Variants in ERAP1 observed in about 807,000 individuals in gnomAD.
ERAP1 encodes endoplasmic reticulum aminopeptidase 1.
In ERAP1, 86 loss-of-function variants were observed where a neutral mutation model predicts 103.7. That is an observed-to-expected ratio of 0.83 (90% CI 0.70 to 0.99). The LOEUF (loss-of-function observed/expected upper bound fraction) is 0.99, where lower values mean the gene tolerates loss of function less well. ERAP1 is among the 50% of genes least tolerant of loss of function. The pLI is 0.00. For synonymous variants in ERAP1, 398 were observed against 402.4 expected, an observed-to-expected ratio of 0.99 and a Z score of 0.13; for missense variants, 1,009 against 1,128.4, an observed-to-expected ratio of 0.89 and a Z score of 1.52.
Position 96,763,211 on chromosome 5 carries a change from CGT to C in ERAP1, c.2834_2835del (p.Asp945GlyfsTer15). 1.3e-6 allele frequency: 1 copy of C among 780,732 alleles called. No homozygotes were observed. The highest frequency in any genetic ancestry group is 2.4e-6 in the Non-Finnish European group (1 of 417,902). 48.4% of individuals were successfully genotyped at this position (780,732 alleles called of 1,614,324 possible). On this transcript the variant is annotated frameshift_variant, in exon 20 of 20. Coordinates refer to the ERAP1 transcript ENST00000296754. LOFTEE classifies it high-confidence loss of function. Reference sequence around the variant, plus strand: ...ATTCTGATGGATTTTCATCCTGTTGCGTCAGCTTCAGGATCATCTGAAAATAT... The same window carrying C: ...ATTCTGATGGATTTTCATCCTGTTGCCAGCTTCAGGATCATCTGAAAATAT...
chr5:96,912,579 A>G, the ERAP1 span: 13 of 1,413,570 alleles, frequency 9.2e-6, no homozygotes, highest in African/African-American at 1.5e-5. Flanking sequence ...AAATTGTCAT[A>G]AGAAAAAAGT....
At chr5:96,826,651 T>A in the ERAP1 span, among the ~76,000 whole-genome samples, 1 of 152,134 alleles carries the variant, frequency 6.6e-6, no homozygotes, top group African/African-American at 2.4e-5. Flanking sequence ...CTGTGCCTCC[T>A]CCAGTCAGCC....
the ERAP1 span, among the ~76,000 whole-genome samples, chr5:96,864,203 C>T: frequency 1.3e-5 from 2 of 152,290 alleles, no homozygotes; most frequent in Admixed American, 6.5e-5. Flanking sequence ...AATAATGTTA[C>T]CACTTTCCTT....
rs887636119 is a variant in ERAP1 at position 96,797,166 on chromosome 5, T to C, written c.798+9A>G. 6.2e-7 allele frequency: 1 copy of C among 1,614,062 alleles called. No homozygotes were observed. On this transcript the variant is annotated intron_variant, in intron 4 of 18. Transcript: ENST00000443439. ...AGCTGGTCACCATATGTGACAGTCA[T>C]AGGCTCACCTTGACTCCACTCTTGG...
the ERAP1 span, among the ~76,000 whole-genome samples, chr5:96,873,862 A>T: frequency 2.0e-5 from 3 of 152,068 alleles, no homozygotes; most frequent in African/African-American, 7.2e-5. Flanking sequence ...CAAACAAACA[A>T]CTACATAATG....
At chr5:96,794,171 CTTTTTT>C (rs35041937) in intron 5 of ERAP1, among the ~76,000 whole-genome samples, 26 of 68,724 alleles carry the variant, frequency 3.8e-4, no homozygotes, top group East Asian at 1.5e-3. Flanking sequence ...CATCTCAGGC[CTTTTTT>C]TTTTTTTTTT....
At chr5:96,780,674 A>G (rs542417715) in intron 17 of ERAP1, among the ~76,000 whole-genome samples, 170 bp from the exon 18 acceptor site, 1 of 152,256 alleles carries the variant, frequency 6.6e-6, no homozygotes, top group Non-Finnish European at 1.5e-5. Context: ...AATAATACAC[A>G]CCAACAGCCT....
At chr5:96,842,460 A>AT in the ERAP1 span, among the ~76,000 whole-genome samples, 1 of 151,926 alleles carries the variant, frequency 6.6e-6, no homozygotes, top group East Asian at 1.9e-4. Flanking sequence ...TCATCTTTTG[A>AT]TTTTTTTGAT....
At chr5:96,928,827 C>T in the ERAP1 span, among the ~76,000 whole-genome samples, 2,340 of 152,218 alleles carry the variant, frequency 0.015, 61 homozygotes, top group African/African-American at 0.054. Context: ...AAGGCAATCT[C>T]GCAATAGATA....
Position 96,790,331 on chromosome 5 carries a change from A to T in ERAP1, c.1489T>A (p.Phe497Ile). The T allele has an allele frequency of 6.2e-7, 1 of 1,614,164 alleles. No individual in the cohort carries two copies. Among genetic ancestry groups the T allele is most frequent in the Non-Finnish European group, 8.5e-7 (1 of 1,180,016 alleles). The change falls in exon 10 of 19, where the codon TTT becomes ATT. Residue 497 changes from phenylalanine (F) to isoleucine (I), a missense_variant. Around this residue, in one of 3 missense-constraint regions of ERAP1, gnomAD observed 611 missense variants for 651.7 expected, o/e 0.94. Transcript: ENST00000443439. ...PTDGVKGMDG[F>I]CSRSQHSSSS... is the part of the protein sequence containing the mutation. The stretch of plus-strand genomic sequence containing the variant: ...GATGAATGTTGACTTCTAGAGCAAA[A>T]GCCATCCATCCCTTTTACACCATCT...
chr5:96,818,561 G>A, the ERAP1 span, among the ~76,000 whole-genome samples: 1 of 86,966 alleles, frequency 1.1e-5, no homozygotes, highest in Non-Finnish European at 3.1e-5. Context: ...AGCTTGAGAG[G>A]CTTTTTTTGT....
the ERAP1 span, among the ~76,000 whole-genome samples, chr5:96,859,877 A>T: frequency 6.6e-6 from 1 of 152,132 alleles, no homozygotes; most frequent in African/African-American, 2.4e-5. Flanking sequence ...TGTTTGAGGG[A>T]GATTTTTCAT....
chr5:96,912,888 A>G, the ERAP1 span: 1 of 1,041,428 alleles, frequency 9.6e-7, no homozygotes. Context: ...TTTTAAAGGC[A>G]TAAGATAATT....
chr5:96,800,843 C>T lies in ERAP1; in HGVS notation c.663+19G>A, dbSNP rs555044303. 1.2e-6 allele frequency: 2 copies of T among 1,613,794 alleles called. No homozygotes were observed. ...TCAGTAGATTTTCCTATAGAAAATA[C>T]ACAGGAGTGCAGACTCACCAATGGC... On this transcript the variant is annotated intron_variant, in intron 3 of 18. Coordinates refer to ENST00000443439, the MANE Select transcript of ERAP1 (RefSeq NM_001040458.3).
At chr5:96,921,138 A>G in the ERAP1 span, among the ~76,000 whole-genome samples, 1 of 152,172 alleles carries the variant, frequency 6.6e-6, no homozygotes, top group African/African-American at 2.4e-5. Flanking sequence ...GGGCTTTGTC[A>G]TCTGTCCCCA....
At chr5:96,762,785 C>T (rs1462578130) in exon 20 of ERAP1, 3 of 246,672 alleles carry the variant, frequency 1.2e-5, no homozygotes, top group African/African-American at 2.3e-5. Context: ...TTTATGGAAT[C>T]GTCATGTTTG....
In ERAP1 at chr5:96,807,895, C is replaced by A. The variant is rs996845586; in HGVS notation, c.-53G>T. 16 of 986,284 alleles carry A rather than the reference C, an allele frequency of 1.6e-5. No individual in the cohort carries two copies. Among genetic ancestry groups the A allele is most frequent in the African/African-American group, 1.7e-5 (1 of 57,248 alleles). 61.1% of individuals were successfully genotyped at this position (986,284 alleles called of 1,614,324 possible). A position where few individuals can be genotyped will look rare whatever the true frequency, so the allele number is the denominator to read the frequency against. On this transcript the variant is annotated 5_prime_UTR_variant, in exon 1 of 19. Coordinates refer to ENST00000443439, the MANE Select transcript of ERAP1 (RefSeq NM_001040458.3). ...GGGGCCGCCCTCACCCTTGCGCCGC[C>A]GCCACCACCACTGCCGCCGGCCTAG...
At chr5:96,898,362 A>G in the ERAP1 span, among the ~76,000 whole-genome samples, 1 of 152,054 alleles carries the variant, frequency 6.6e-6, no homozygotes, top group Non-Finnish European at 1.5e-5. Flanking sequence ...AAATCCAACA[A>G]TCAAAAATTA....
chr5:96,790,645 T>G lies in ERAP1; in HGVS notation c.1321-2A>C. The G allele has an allele frequency of 6.2e-7, 1 of 1,607,254 alleles. No individual in the cohort carries two copies. Among genetic ancestry groups the G allele is most frequent in the Non-Finnish European group, 8.5e-7 (1 of 1,173,836 alleles). On this transcript the variant is annotated splice_acceptor_variant, in intron 8 of 18. Coordinates refer to ENST00000443439, the MANE Select transcript of ERAP1 (RefSeq NM_001040458.3). LOFTEE classifies it high-confidence loss of function. Reference sequence around the variant, plus strand: ...TAGCATATTCAGAATACAAGCTCCCTGAAAAGATAATAGAAATAATTGTTA... The same window carrying G: ...TAGCATATTCAGAATACAAGCTCCCGGAAAAGATAATAGAAATAATTGTTA...
Sources: gnomAD v4.1 joint callset for allele counts (sites outside exome capture counted in the v4.1 genomes callset) on GRCh38, gnomAD v4.1.1 for gene constraint, gnomAD v4.1.1 regional missense constraint, MANE v1.5 for transcripts, NCBI Gene and HGNC (gene_info 2026-07-23, HGNC 2026-07-21) for gene names.